The following KLHL33 variants were observed in gnomAD, a reference collection of about 807,000 sequenced individuals.
KLHL33 encodes kelch-like protein 33.
A neutral mutation model predicts 60.8 loss-of-function variants in KLHL33; 46 were observed. That is an observed-to-expected ratio of 0.76 (90% CI 0.60 to 0.97). The LOEUF is 0.97. Among genes scored for constraint, KLHL33 ranks in the 50% least tolerant of loss-of-function variants. The pLI is 0.00. For synonymous variants in KLHL33, 434 were observed against 432.2 expected (o/e 1.00, Z -0.05); for missense variants, 1,055 against 1,000.0 (o/e 1.05, Z -0.74).
At position 20,428,687 on chromosome 14, in the gene KLHL33, C is replaced by G; in HGVS notation, c.*162G>C. 1 of 678,248 alleles carries G rather than the reference C, an allele frequency of 1.5e-6. No homozygotes were observed. Among genetic ancestry groups the G allele is most frequent in the East Asian group, 2.8e-5 (1 of 36,002 alleles). The allele number at this position is 678,248 out of a possible 1,614,324, so 42.0% of individuals were successfully genotyped here. The stretch of plus-strand genomic sequence containing the variant: ...TTTTCCCTAGGAGTTCTGGAACCAC[C>G]ATTTCCTCAACGGAGATCATACGTA... On this transcript the variant is annotated 3_prime_UTR_variant, in exon 5 of 5. Coordinates refer to ENST00000636854, the MANE Select transcript of KLHL33 (RefSeq NM_001365790.2).
In KLHL33 at chr14:20,428,233, G is replaced by A. The variant is rs1880355368; in HGVS notation, c.*616C>T. 6.6e-6 allele frequency: 1 copy of A among 152,588 alleles called. No homozygotes were observed. The highest frequency in any genetic ancestry group is 1.5e-5 in the Non-Finnish European group (1 of 68,362). The allele number at this position is 152,588 out of a possible 1,614,324, so 9.5% of individuals were successfully genotyped here. A position where few individuals can be genotyped will look rare whatever the true frequency, so the allele number is the denominator to read the frequency against. On this transcript the variant is annotated 3_prime_UTR_variant, in exon 5 of 5. Coordinates refer to ENST00000636854, the MANE Select transcript of KLHL33 (RefSeq NM_001365790.2). ...CCCCTGTGCCGTGCATGTCCATGTG[G>A]GAGCTTCTGCCTCAGAAGGAAACCA...
rs1880363495 is a variant in KLHL33 at position 20,428,429 on chromosome 14, C to G, written c.*420G>C. ...GCTGAACGATTTACAGTCCTTACTC[C>G]TACACTCCTCAAACTCTTTCATGGA... On this transcript the variant is annotated 3_prime_UTR_variant, in exon 5 of 5. Transcript: ENST00000636854. The G allele has an allele frequency of 5.7e-6, 1 of 174,948 alleles. No individual in the cohort carries two copies. The highest frequency in any genetic ancestry group is 1.2e-5 in the Non-Finnish European group (1 of 81,664). 10.8% of individuals were successfully genotyped at this position (174,948 alleles called of 1,614,324 possible).
chr14:20,435,619 G>T lies in KLHL33; in HGVS notation c.193C>A (p.Leu65Ile), dbSNP rs8017682. ...TCTAGGGACAAGGCTGGAAAGGGAA[G>T]GTTCCTTGGGACCAGGGGCCTGGAA... is the stretch of plus-strand genomic sequence containing the variant. ...PGSRPLVPRN[L>I]PFPALSLEEE... The change falls in exon 2 of 5, where the codon CTT becomes ATT. Residue 65 changes from leucine to isoleucine, a missense_variant. By Grantham distance (5) the Leu-to-Ile change is conservative (BLOSUM62 2). Coordinates refer to ENST00000636854, the MANE Select transcript of KLHL33 (RefSeq NM_001365790.2). 4.1e-6 allele frequency: 5 copies of T among 1,234,516 alleles called. No individual in the cohort carries two copies. The highest frequency in any genetic ancestry group is 4.0e-6 in the Non-Finnish European group (4 of 988,276). The allele number at this position is 1,234,516 out of a possible 1,614,324, so 76.5% of individuals were successfully genotyped here.
At chr14:20,431,181 C>A (rs1163393037) in intron 2 of KLHL33, among the ~76,000 whole-genome samples, 1 of 152,094 alleles carries the variant, frequency 6.6e-6, no homozygotes, top group Non-Finnish European at 1.5e-5. Flanking sequence ...AAATAAAATT[C>A]TTTACAATCA....
chr14:20,429,961 G>T lies in KLHL33; in HGVS notation c.1507C>A (p.Arg503Ser). 6.4e-7 allele frequency: 1 copy of T among 1,551,698 alleles called. No homozygotes were observed. The highest frequency in any genetic ancestry group is 8.7e-7 in the Non-Finnish European group (1 of 1,147,002). ...GTTCGTACCAGTCCCACGCCACAGCGGAAGGCCCGGGCCCACCACACTGCT... is the reference window on the plus strand; with the variant it reads ...GTTCGTACCAGTCCCACGCCACAGCTGAAGGCCCGGGCCCACCACACTGCT... Reference protein sequence around the residue: ...SRAVWWARAFRCGVGLVRTVE... With the variant: ...SRAVWWARAFSCGVGLVRTVE... The change falls in exon 3 of 5, where the codon CGC (arginine) becomes AGC (serine). Residue 503 changes from arginine (R) to serine (S), a missense_variant. By Grantham distance (110) the Arg-to-Ser change is moderately radical (BLOSUM62 -1). Transcript: ENST00000636854.
chr14:20,433,931 A>G (rs548589053), intron 2 of KLHL33, among the ~76,000 whole-genome samples: 2 of 152,308 alleles, frequency 1.3e-5, no homozygotes, highest in East Asian at 3.9e-4. Flanking sequence ...GTAACAGCCC[A>G]ACTAGATAAT....
rs1171502576 is a variant in KLHL33, at chr14:20,430,054, C to G, written c.1414G>C (p.Asp472His). ...CCGCCAATCACTACCAGTGCCCGGT[C>G]AGGCTCCCTCCGTCTCTCTTGGCCT... Reference protein sequence around the residue: ...VPGQERRREPDRALVVIGGDG... With the variant: ...VPGQERRREPHRALVVIGGDG... The change falls in exon 3 of 5, where the codon GAC becomes CAC. Residue 472 changes from aspartate (D) to histidine (H), a missense_variant. By Grantham distance (81) the Asp-to-His change is moderately conservative (BLOSUM62 -1). Coordinates refer to ENST00000636854, the MANE Select transcript of KLHL33 (RefSeq NM_001365790.2). 6.4e-7 allele frequency: 1 copy of G among 1,551,760 alleles called. No individual in the cohort carries two copies. The highest frequency in any genetic ancestry group is 2.0e-5 in the Admixed American group (1 of 51,014).
rs771071543 is a variant in KLHL33, at chr14:20,430,330, C to A, written c.1138G>T (p.Ala380Ser). 1 of 1,551,886 alleles carries A rather than the reference C, an allele frequency of 6.4e-7. No homozygotes were observed. Among genetic ancestry groups the A allele is most frequent in the Middle Eastern group, 1.7e-4 (1 of 5,992 alleles). The change falls in exon 3 of 5, where the codon GCT becomes TCT. Residue 380 changes from alanine (A) to serine (S), a missense_variant. Coordinates refer to ENST00000636854, the MANE Select transcript of KLHL33 (RefSeq NM_001365790.2). ...TCCAGGAGCTCAGCCAAGCAGGCAGCTGGTAAAGAAGGGAAAGCAGGACAC... is the reference window on the plus strand; with the variant it reads ...TCCAGGAGCTCAGCCAAGCAGGCAGATGGTAAAGAAGGGAAAGCAGGACAC... ...ALCPAFPSLP[A>S]ACLAELLDSD...
intron 2 of KLHL33, 101 bp from the exon 3 acceptor site, chr14:20,430,820 G>A (rs1046687655): frequency 1.2e-6 from 1 of 803,406 alleles, no homozygotes; most frequent in Non-Finnish European, 1.9e-6. Flanking sequence ...CTCTAAGTTT[G>A]GCCCTCCAAG....
Position 20,430,246 on chromosome 14 carries a change from G to A in KLHL33, c.1222C>T (p.Leu408=), listed in dbSNP as rs758014312. The A allele has an allele frequency of 1.3e-6, 2 of 1,551,472 alleles. No homozygotes were observed. Among genetic ancestry groups the A allele is most frequent in the Admixed American group, 2.0e-5 (1 of 50,988 alleles). The change falls in exon 3 of 5, where the codon CTG becomes TTG. Residue 408 remains leucine, a synonymous_variant. Coordinates refer to ENST00000636854, the MANE Select transcript of KLHL33 (RefSeq NM_001365790.2). The stretch of plus-strand genomic sequence containing the variant: ...TCCTGGGTCTCGGGGTTGGCAGCCA[G>A]CCAACACCGTGCAGCCACAAAGGCC... The part of the protein sequence containing the change: ...FEAFVAARCW[L]AANPETQESE...
chr14:20,432,955 A>AAAGAAAGAAAG (rs1282071757), intron 2 of KLHL33, among the ~76,000 whole-genome samples: 1 of 151,460 alleles, frequency 6.6e-6, no homozygotes, highest in Admixed American at 6.6e-5. Flanking sequence ...AGAAAGAAAG[A>AAAGAAAGAAAG]AAGAAAGAAA....
In KLHL33 at chr14:20,429,104, T is replaced by C. The variant is rs1880394531; in HGVS notation, c.2139A>G (p.Ala713=). 6.4e-7 allele frequency: 1 copy of C among 1,551,470 alleles called. No homozygotes were observed. Among genetic ancestry groups the C allele is most frequent in the Non-Finnish European group, 8.7e-7 (1 of 1,146,974 alleles). Residue 713 remains alanine, a synonymous_variant, in exon 5 of 5, where the codon GCA becomes GCG. Transcript: ENST00000636854. ...ELRTDSWTHL[A]PLPSPHVGAA... is the part of the protein sequence containing the mutation. Reference sequence around the variant, plus strand: ...CCCCCACATGGGGGGAGGGTAGGGGTGCCAGGTGAGTCCAGCTATCAGTCC... The same window carrying C: ...CCCCCACATGGGGGGAGGGTAGGGGCGCCAGGTGAGTCCAGCTATCAGTCC...
In KLHL33 at chr14:20,427,027, A is replaced by C. The variant is rs1244081596; in HGVS notation, c.*1822T>G. ...GAAGGGGAACATCACACTCTGGAGAATGTTGTGGGGTGGGGGGAGGGGGGA... is the reference window on the plus strand; with the variant it reads ...GAAGGGGAACATCACACTCTGGAGACTGTTGTGGGGTGGGGGGAGGGGGGA... On this transcript the variant is annotated 3_prime_UTR_variant, in exon 5 of 5. Coordinates refer to ENST00000636854, the MANE Select transcript of KLHL33 (RefSeq NM_001365790.2). 68 of 104,970 alleles carry C rather than the reference A, an allele frequency of 6.5e-4. No homozygotes were observed. Among genetic ancestry groups the C allele is most frequent in the African/African-American group, 2.1e-3 (58 of 26,984 alleles). The allele number at this position is 104,970 out of a possible 1,614,324, so 6.5% of individuals were successfully genotyped here.
intron 2 of KLHL33, among the ~76,000 whole-genome samples, chr14:20,432,395 G>T (rs1221263385): frequency 6.6e-6 from 1 of 151,780 alleles, no homozygotes; most frequent in East Asian, 1.9e-4. Context: ...TTACAGGCGT[G>T]AGCCACTATG....
Position 20,428,614 on chromosome 14 carries a change from T to C in KLHL33, c.*235A>G. The C allele has an allele frequency of 4.0e-6, 2 of 504,162 alleles. No individual in the cohort carries two copies. The highest frequency in any genetic ancestry group is 7.1e-6 in the Non-Finnish European group (2 of 283,510). 31.2% of individuals were successfully genotyped at this position (504,162 alleles called of 1,614,324 possible). A position where few individuals can be genotyped will look rare whatever the true frequency, so the allele number is the denominator to read the frequency against. On this transcript the variant is annotated 3_prime_UTR_variant, in exon 5 of 5. Transcript: ENST00000636854. The stretch of plus-strand genomic sequence containing the variant: ...TAAGCCTTGTGGAGTTGCTCCCGAG[T>C]CTCCTTTCCTCACCTGGGTATTCAG...
intron 2 of KLHL33, among the ~76,000 whole-genome samples, chr14:20,432,119 A>AT (rs11374995): frequency 0.79 from 116,419 of 148,118 alleles, 46,068 homozygotes; most frequent in African/African-American, 0.92. Flanking sequence ...AGGATAACCA[A>AT]TTTTTTTTTT....
At chr14:20,432,984 AAG>A (rs1555330533) in intron 2 of KLHL33, among the ~76,000 whole-genome samples, 5 of 151,610 alleles carry the variant, frequency 3.3e-5, no homozygotes, top group South Asian at 2.1e-4. Flanking sequence ...GAAAGAAAGA[AAG>A]AGAGAAATTA....
chr14:20,431,261 T>C (rs1880502477), intron 2 of KLHL33, among the ~76,000 whole-genome samples: 1 of 152,250 alleles, frequency 6.6e-6, no homozygotes, highest in South Asian at 2.1e-4. Flanking sequence ...ATGGCTGTAA[T>C]CCAACCTCAT....
At chr14:20,432,101 C>G (rs1241234006) in intron 2 of KLHL33, among the ~76,000 whole-genome samples, 1 of 142,948 alleles carries the variant, frequency 7.0e-6, no homozygotes, top group African/African-American at 2.7e-5. Context: ...GAAAATGGAG[C>G]ATTTTATAGG....
Sources: allele counts gnomAD v4.1 joint callset (sites outside exome capture counted in the v4.1 genomes callset), GRCh38; gene constraint gnomAD v4.1.1; transcripts MANE v1.5; gene names NCBI Gene and HGNC (gene_info 2026-07-23, HGNC 2026-07-21).